SAMD5: variants seen among roughly 807,000 people sequenced by gnomAD.
The protein encoded by SAMD5 is sterile alpha motif domain containing 5.
SAMD5 carries 13 observed loss-of-function variants against 11.3 expected under a neutral mutation model. The observed-to-expected ratio is 1.15, with a 90% CI of 0.75 to 1.83. The LOEUF is 1.83. Among genes scored for constraint, SAMD5 ranks in the 40% most tolerant of loss-of-function variants. The pLI is 0.00. For synonymous variants in SAMD5, 129 were observed against 111.3 expected (o/e 1.16, Z -1.00); for missense variants, 255 against 239.1 (o/e 1.07, Z -0.44).
rs768319626 is a variant in SAMD5, at chr6:147,569,280, G to C, written c.*4824G>C. 2.6e-5 allele frequency: 10 copies of C among 383,618 alleles called. No homozygotes were observed. The highest frequency in any genetic ancestry group is 3.5e-5 in the Non-Finnish European group (10 of 281,932). 23.8% of individuals were successfully genotyped at this position (383,618 alleles called of 1,614,324 possible). ...TGAAGAACATAACTTTTCTACTTAT[G>C]AAATAGATAATTTTTTAAAATTGTT... is the stretch of plus-strand genomic sequence containing the variant. On this transcript the variant is annotated 3_prime_UTR_variant, in exon 2 of 2. Transcript: ENST00000367474.
chr6:147,601,138 T>G (rs907781935), intron 1 of SAMD5, among the ~76,000 whole-genome samples: 6 of 152,212 alleles, frequency 3.9e-5, no homozygotes, highest in Non-Finnish European at 5.9e-5. Context: ...CGACCAAGTT[T>G]GCATGCTCCT....
chr6:147,839,370 A>T, the SAMD5 span, among the ~76,000 whole-genome samples: 8 of 152,228 alleles, frequency 5.3e-5, no homozygotes, highest in African/African-American at 1.2e-4. Context: ...AATCTAATAT[A>T]ATGTTTTTTT....
the SAMD5 span, among the ~76,000 whole-genome samples, chr6:147,859,693 T>C: frequency 1.3e-5 from 2 of 152,202 alleles, no homozygotes; most frequent in Non-Finnish European, 2.9e-5. Flanking sequence ...AGCATTTTCT[T>C]CATTAGGTTG....
At chr6:147,777,159 T>G in the SAMD5 span, among the ~76,000 whole-genome samples, 3 of 151,788 alleles carry the variant, frequency 2.0e-5, no homozygotes, top group Non-Finnish European at 4.4e-5. Flanking sequence ...ACTTTTTTTT[T>G]CTCTCTCTCT....
At chr6:147,751,705 T>C in the SAMD5 span, among the ~76,000 whole-genome samples, 2 of 152,198 alleles carry the variant, frequency 1.3e-5, no homozygotes, top group African/African-American at 4.8e-5. Flanking sequence ...AATCACACGA[T>C]TGAGGCCTGT....
intron 1 of SAMD5, among the ~76,000 whole-genome samples, chr6:147,735,486 T>A (rs1469450031): frequency 6.6e-6 from 1 of 152,126 alleles, no homozygotes. Flanking sequence ...ACCTCTCAGC[T>A]TCAAGAGAGA....
chr6:147,906,308 T>C, the SAMD5 span, among the ~76,000 whole-genome samples: 5 of 152,230 alleles, frequency 3.3e-5, no homozygotes. Flanking sequence ...GATGAATTTT[T>C]ACCTTGCATT....
intron 1 of SAMD5, among the ~76,000 whole-genome samples, chr6:147,591,931 C>T (rs564081010): frequency 1.2e-4 from 18 of 152,188 alleles, no homozygotes; most frequent in African/African-American, 3.8e-4. Context: ...TCTTCTGTCT[C>T]TAGAAGTCTC....
intron 1 of SAMD5, among the ~76,000 whole-genome samples, chr6:147,511,871 G>A (rs1468626822): frequency 2.6e-5 from 4 of 152,180 alleles, no homozygotes; most frequent in Non-Finnish European, 5.9e-5. Context: ...TTCATGAGCA[G>A]TGCTAGAACT....
At chr6:147,651,201 T>G in intron 1 of SAMD5, among the ~76,000 whole-genome samples, 1 of 152,192 alleles carries the variant, frequency 6.6e-6, no homozygotes, top group East Asian at 1.9e-4. Flanking sequence ...CCTTTCATAA[T>G]AGAGAAAAGT....
rs1417565367 is a variant in SAMD5 at position 147,674,862 on chromosome 6, T to C, written c.163-62455T>C. Among the ~76,000 whole-genome samples the C allele has an allele frequency of 2.6e-5, 4 of 152,194 alleles. No homozygotes were observed. In the South Asian group the frequency reaches 6.2e-4, roughly 24 times the overall value. ...TCTGCTGTTTCCCCTTTATTTTCAG[T>C]TCTCAAGCTAGATTTTTCTTCCACC... is the stretch of plus-strand genomic sequence containing the variant. On this transcript the variant is annotated intron_variant, in intron 1 of 1. Coordinates refer to the SAMD5 transcript ENST00000566741.
downstream of SAMD5, among the ~76,000 whole-genome samples, chr6:147,740,916 C>T (rs1791870839): frequency 1.3e-5 from 2 of 152,334 alleles, no homozygotes; most frequent in South Asian, 2.1e-4. Flanking sequence ...ACTGCCAAAG[C>T]AGTTGGCATT....
At chr6:147,860,092 A>G in the SAMD5 span, among the ~76,000 whole-genome samples, 2 of 152,166 alleles carry the variant, frequency 1.3e-5, no homozygotes, top group African/African-American at 4.8e-5. Flanking sequence ...TCTGAAATCA[A>G]GTTGCCAGCA....
the SAMD5 span, among the ~76,000 whole-genome samples, chr6:147,888,839 C>T: frequency 9.9e-5 from 15 of 151,078 alleles, no homozygotes; most frequent in African/African-American, 3.4e-4. Context: ...GAGCCAAGAC[C>T]GTGCCATTGC....
At chr6:147,688,383 T>A (rs150648858) in intron 1 of SAMD5, among the ~76,000 whole-genome samples, 39 of 152,324 alleles carry the variant, frequency 2.6e-4, no homozygotes, top group African/African-American at 8.9e-4. Context: ...AATTTGAGAT[T>A]CTCAGTGATA....
chr6:147,758,351 C>A, the SAMD5 span, among the ~76,000 whole-genome samples: 1 of 152,152 alleles, frequency 6.6e-6, no homozygotes, highest in Non-Finnish European at 1.5e-5. Context: ...TAGAAACAGA[C>A]AATCAAACAA....
the SAMD5 span, among the ~76,000 whole-genome samples, chr6:147,938,382 C>A: frequency 1.6e-3 from 238 of 152,330 alleles, 2 homozygotes; most frequent in African/African-American, 5.5e-3. Flanking sequence ...GTGAGTACCT[C>A]TTTTGTGCTA....
At chr6:147,699,394 T>A (rs1283365055) in intron 1 of SAMD5, among the ~76,000 whole-genome samples, 1 of 152,218 alleles carries the variant, frequency 6.6e-6, no homozygotes, top group Non-Finnish European at 1.5e-5. Flanking sequence ...TTGCCCCACC[T>A]ACTTGTACTG....
chr6:147,754,916 C>G, the SAMD5 span, among the ~76,000 whole-genome samples: 1 of 151,976 alleles, frequency 6.6e-6, no homozygotes, highest in East Asian at 1.9e-4. Context: ...TTCCATTGGT[C>G]TATGTGTCTA....
Sources: gnomAD v4.1 joint callset for allele counts (sites outside exome capture counted in the v4.1 genomes callset) on GRCh38, gnomAD v4.1.1 for gene constraint, MANE v1.5 for transcripts, NCBI Gene and HGNC (gene_info 2026-07-23, HGNC 2026-07-21) for gene names.